The following PTPRM variants were observed in gnomAD, a reference collection of about 807,000 sequenced individuals.
The protein encoded by PTPRM is protein tyrosine phosphatase receptor type M, also known as receptor-type tyrosine-protein phosphatase mu.
PTPRM carries 47 observed loss-of-function variants against 186.7 expected under a neutral mutation model. The observed-to-expected ratio is 0.25, with a 90% confidence interval of 0.20 to 0.32. The LOEUF is 0.32. Ranked by LOEUF, PTPRM falls within the 10% of genes least tolerant of loss-of-function variation. PTPRM has a pLI of 1.00. For missense variants in PTPRM, 1,494 were observed against 1,865.0 expected, an observed-to-expected ratio of 0.80 and a Z score of 3.66; for synonymous variants, 668 against 674.9, an observed-to-expected ratio of 0.99 and a Z score of 0.16.
At chr18:8,180,431 G>A (rs2093556828) in intron 14 of PTPRM, among the ~76,000 whole-genome samples, 1 of 152,196 alleles carries the variant, frequency 6.6e-6, no homozygotes, top group African/African-American at 2.4e-5. Flanking sequence ...AAGCTTTAGA[G>A]CAGAAACAAA....
intron 7 of PTPRM, among the ~76,000 whole-genome samples, chr18:8,039,724 C>T (rs1339283972): frequency 6.6e-6 from 1 of 152,124 alleles, no homozygotes; most frequent in Non-Finnish European, 1.5e-5. Context: ...TTGTCATTAA[C>T]TACATTCATC....
At chr18:7,847,892 A>G (rs2046674998) in intron 2 of PTPRM, among the ~76,000 whole-genome samples, 1 of 152,204 alleles carries the variant, frequency 6.6e-6, no homozygotes, top group African/African-American at 2.4e-5. Flanking sequence ...AGGCCCCCTC[A>G]AGGGAGTGGA....
intron 7 of PTPRM, among the ~76,000 whole-genome samples, chr18:8,057,107 G>A (rs1340570515): frequency 6.7e-6 from 1 of 149,520 alleles, no homozygotes; most frequent in Non-Finnish European, 1.5e-5. Flanking sequence ...AAATTTTTAA[G>A]CATCCTAGAT....
intron 7 of PTPRM, among the ~76,000 whole-genome samples, chr18:8,065,115 A>G (rs1600357362): frequency 6.6e-6 from 1 of 152,198 alleles, no homozygotes; most frequent in African/African-American, 2.4e-5. Flanking sequence ...ATTATACCCA[A>G]ATATCTCTCA....
At chr18:8,236,362 G>A (rs1452886464) in intron 14 of PTPRM, among the ~76,000 whole-genome samples, 1 of 152,038 alleles carries the variant, frequency 6.6e-6, no homozygotes, top group Non-Finnish European at 1.5e-5. Context: ...TCTAAAGTCT[G>A]CTCTGTCTGA....
Position 8,172,644 on chromosome 18 carries a change from G to C in PTPRM, c.2300+28865G>C, listed in dbSNP as rs569313252. 1.7e-4 allele frequency among the ~76,000 whole-genome samples: 25 copies of C among 150,518 alleles called. 1 individual carries two copies. The South Asian group carries it at 4.9e-3, about 29-fold the overall frequency. On this transcript the variant is annotated intron_variant, in intron 14 of 32. Coordinates refer to ENST00000580170, the MANE Select transcript of PTPRM (RefSeq NM_001105244.2). Reference sequence around the variant, plus strand: ...GGTGGGCCAGCTGCCGACATTTCTTGTGTCCTAATTGTGAGGAAGGTTCTT... The same window carrying C: ...GGTGGGCCAGCTGCCGACATTTCTTCTGTCCTAATTGTGAGGAAGGTTCTT...
In PTPRM at chr18:7,906,519, G is replaced by T. The variant is rs1388969232; in HGVS notation, c.483G>T (p.Val161=). The change falls in exon 4 of 33, where the codon GTG becomes GTT. Residue 161 remains valine, a synonymous_variant. Coordinates refer to ENST00000580170, the MANE Select transcript of PTPRM (RefSeq NM_001105244.2). ...WPNFYQVIFE[V]ITSGHQGYLA... ...TAATTTTCCAGGTGATTTTTGAAGT[G>T]ATAACTTCTGGACATCAAGGCTATC... 1 of 1,612,656 alleles carries T rather than the reference G, an allele frequency of 6.2e-7. No individual in the cohort carries two copies. The highest frequency in any genetic ancestry group is 1.7e-5 in the Admixed American group (1 of 60,020).
intron 13 of PTPRM, among the ~76,000 whole-genome samples, chr18:8,138,170 C>T (rs2092680826): frequency 6.6e-6 from 1 of 151,830 alleles, no homozygotes; most frequent in African/African-American, 2.4e-5. Flanking sequence ...TCACACCCCT[C>T]CCCAATGTAA....
intron 13 of PTPRM, among the ~76,000 whole-genome samples, chr18:8,127,397 C>T (rs1303184805): frequency 6.8e-6 from 1 of 148,068 alleles, no homozygotes; most frequent in African/African-American, 2.5e-5. Flanking sequence ...ACATGAACGG[C>T]ACTCAGAGTC....
chr18:8,257,775 G>C (rs2094587953), intron 19 of PTPRM, among the ~76,000 whole-genome samples: 1 of 152,174 alleles, frequency 6.6e-6, no homozygotes, highest in African/African-American at 2.4e-5. Context: ...AGTCATTTAT[G>C]TTGTAAAATT....
intron 31 of PTPRM, among the ~76,000 whole-genome samples, chr18:8,392,174 C>T (rs1460010094): frequency 6.6e-6 from 1 of 151,950 alleles, no homozygotes; most frequent in Non-Finnish European, 1.5e-5. Flanking sequence ...TTTTAAAAAG[C>T]ATCTGTAAGA....
chr18:7,919,387 T>G (rs571459040), intron 4 of PTPRM, among the ~76,000 whole-genome samples: 3 of 152,138 alleles, frequency 2.0e-5, no homozygotes, highest in Non-Finnish European at 2.9e-5. Flanking sequence ...TTGAGTAGTA[T>G]TGTCATTTTA....
intron 19 of PTPRM, among the ~76,000 whole-genome samples, chr18:8,289,001 G>C (rs1470896428): frequency 3.3e-5 from 5 of 152,080 alleles, no homozygotes; most frequent in Non-Finnish European, 7.3e-5. Flanking sequence ...GGTGACTTCA[G>C]AGTGCCACAT....
At chr18:7,745,125 T>G (rs1165947352) in intron 1 of PTPRM, among the ~76,000 whole-genome samples, 1 of 151,988 alleles carries the variant, frequency 6.6e-6, no homozygotes, top group African/African-American at 2.4e-5. Flanking sequence ...TGTATAATTT[T>G]AATAAGTGGT....
At chr18:7,653,976 G>T (rs1233114283) in intron 1 of PTPRM, among the ~76,000 whole-genome samples, 2 of 151,964 alleles carry the variant, frequency 1.3e-5, no homozygotes, top group Non-Finnish European at 2.9e-5. Flanking sequence ...CTCACAGGCA[G>T]TTGTTATTTT....
chr18:8,078,269 G>A (rs2089939189), intron 9 of PTPRM, among the ~76,000 whole-genome samples: 2 of 152,152 alleles, frequency 1.3e-5, no homozygotes, highest in Non-Finnish European at 2.9e-5. Flanking sequence ...TGTGAGCTAC[G>A]ATTCACCCAG....
At chr18:7,590,346 A>G (rs2143618668) in intron 1 of PTPRM, among the ~76,000 whole-genome samples, 1 of 152,286 alleles carries the variant, frequency 6.6e-6, no homozygotes, top group Non-Finnish European at 1.5e-5. Flanking sequence ...AGGTCAATTC[A>G]TTGATCAGTG....
intron 8 of PTPRM, among the ~76,000 whole-genome samples, chr18:8,070,474 G>A (rs2089400840): frequency 6.6e-6 from 1 of 152,070 alleles, no homozygotes; most frequent in Non-Finnish European, 1.5e-5. Context: ...TTGAGAAACT[G>A]TAAGTTGGTG....
At chr18:7,776,416 G>C (rs1213238144) in intron 2 of PTPRM, among the ~76,000 whole-genome samples, 9 of 152,136 alleles carry the variant, frequency 5.9e-5, no homozygotes, top group Non-Finnish European at 1.5e-5. Flanking sequence ...TTATGTGCAT[G>C]GGTGCAGCTC....
Sources: allele counts gnomAD v4.1 joint callset (sites outside exome capture counted in the v4.1 genomes callset), GRCh38; gene constraint gnomAD v4.1.1; transcripts MANE v1.5; gene names NCBI Gene and HGNC (gene_info 2026-07-23, HGNC 2026-07-21).